Variants in ARHGAP44 observed in about 807,000 individuals in gnomAD.
The protein encoded by ARHGAP44 is Rho GTPase activating protein 44.
ARHGAP44 carries 43 observed loss-of-function variants against 106.8 expected under a neutral mutation model. The ratio of observed to expected loss-of-function variants is 0.40; its 90% CI spans 0.32 to 0.52. The LOEUF (loss-of-function observed/expected upper bound fraction) is 0.52, where lower values mean the gene tolerates loss of function less well. ARHGAP44 is among the 20% of genes least tolerant of loss of function. The pLI is 0.48. For missense variants in ARHGAP44, 866 were observed against 1,050.5 expected, an observed-to-expected ratio of 0.82 and a Z score of 2.43; for synonymous variants, 439 against 410.3, an observed-to-expected ratio of 1.07 and a Z score of -0.85.
chr17:12,891,009 A>G (rs936443881), intron 1 of ARHGAP44, among the ~76,000 whole-genome samples: 2 of 152,170 alleles, frequency 1.3e-5, no homozygotes, highest in Admixed American at 1.3e-4. Flanking sequence ...GATATTTTTC[A>G]TTCTCATGTA....
At chr17:12,898,956 GATTTATTTATTTATTT>G (rs71369351) in intron 3 of ARHGAP44, among the ~76,000 whole-genome samples, 5 of 149,122 alleles carry the variant, frequency 3.4e-5, no homozygotes, top group Non-Finnish European at 5.9e-5. Flanking sequence ...TCACTGCATG[GATTTATTTATTTATTT>G]ATTTATTTAT....
At chr17:12,923,413 G>T (rs764765097) in intron 6 of ARHGAP44, among the ~76,000 whole-genome samples, 1 of 151,990 alleles carries the variant, frequency 6.6e-6, no homozygotes, top group African/African-American at 2.4e-5. Context: ...ACGGGGTTTC[G>T]CCATGTTGGC....
intron 1 of ARHGAP44, among the ~76,000 whole-genome samples, chr17:12,831,630 C>T (rs940728918): frequency 6.6e-6 from 1 of 152,074 alleles, no homozygotes; most frequent in Non-Finnish European, 1.5e-5. Context: ...CCATCGAGGC[C>T]CTGTTCTTTC....
intron 5 of ARHGAP44, chr17:12,917,480 G>A (rs927184345): frequency 3.3e-5 from 5 of 152,586 alleles, no homozygotes; most frequent in African/African-American, 1.2e-4. Flanking sequence ...CTACGGGAGG[G>A]AGGGAGAGAG....
At chr17:12,836,771 A>T (rs1383965452) in intron 1 of ARHGAP44, among the ~76,000 whole-genome samples, 3 of 152,218 alleles carry the variant, frequency 2.0e-5, no homozygotes, top group Non-Finnish European at 4.4e-5. Context: ...CTCAAAATAC[A>T]TGAAGAAAAA....
chr17:12,909,545 G>A (rs2037661604), intron 4 of ARHGAP44, among the ~76,000 whole-genome samples: 1 of 152,084 alleles, frequency 6.6e-6, no homozygotes, highest in Admixed American at 6.6e-5. Context: ...AAATTATGCT[G>A]AAAATTTTCA....
In ARHGAP44 at chr17:12,894,987, G is replaced by A. The variant is rs754790990; in HGVS notation, c.93+8G>A. On this transcript the variant is annotated splice_region_variant and intron_variant, in intron 2 of 20. Coordinates refer to ENST00000379672, the MANE Select transcript of ARHGAP44 (RefSeq NM_014859.6). Reference sequence around the variant, plus strand: ...AGTGAAGACCTTCTTCAGGTAAGGCGGCCATTGACACTGGCTCACAGATAC... The same window carrying A: ...AGTGAAGACCTTCTTCAGGTAAGGCAGCCATTGACACTGGCTCACAGATAC... 9 of 1,583,002 alleles carry A rather than the reference G, an allele frequency of 5.7e-6. No individual in the cohort carries two copies. The highest frequency in any genetic ancestry group is 4.6e-5 in the East Asian group (2 of 43,814).
In ARHGAP44 at chr17:12,991,370, G is replaced by A. The variant is rs939174455; in HGVS notation, c.*1199G>A. The A allele has an allele frequency of 6.4e-6, 1 of 155,050 alleles. No homozygotes were observed. The highest frequency in any genetic ancestry group is 1.4e-5 in the Non-Finnish European group (1 of 69,534). The allele number at this position is 155,050 out of a possible 1,614,324, so 9.6% of individuals were successfully genotyped here. A position where few individuals can be genotyped will look rare whatever the true frequency, so the allele number is the denominator to read the frequency against. On this transcript the variant is annotated 3_prime_UTR_variant, in exon 21 of 21. Coordinates refer to ENST00000379672, the MANE Select transcript of ARHGAP44 (RefSeq NM_014859.6). ...AAATCTCTCTATATTTGTTTAATTT[G>A]AGCCATTCAATCTAAACCAATGTAC...
At chr17:12,961,862 C>T (rs1170310926) in intron 16 of ARHGAP44, among the ~76,000 whole-genome samples, 3 of 152,132 alleles carry the variant, frequency 2.0e-5, no homozygotes, top group African/African-American at 7.2e-5. Flanking sequence ...TCAGTTCTTA[C>T]CTGACCTTAA....
At chr17:12,906,230 A>G (rs1287729658) in intron 3 of ARHGAP44, among the ~76,000 whole-genome samples, 1 of 152,226 alleles carries the variant, frequency 6.6e-6, no homozygotes, top group Non-Finnish European at 1.5e-5. Flanking sequence ...CTACACTTAC[A>G]TAACACTTCT....
At chr17:12,881,205 G>C (rs1405332530) in intron 1 of ARHGAP44, among the ~76,000 whole-genome samples, 1 of 151,526 alleles carries the variant, frequency 6.6e-6, no homozygotes, top group Non-Finnish European at 1.5e-5. Flanking sequence ...TTTATGGTTA[G>C]TGTTCCTTAT....
At chr17:12,827,248 C>T (rs529820655) in intron 1 of ARHGAP44, among the ~76,000 whole-genome samples, 13 of 152,188 alleles carry the variant, frequency 8.5e-5, no homozygotes, top group Middle Eastern at 3.4e-3. Flanking sequence ...ATTTATATGA[C>T]TTGTACTCTA....
chr17:12,884,489 A>G (rs760033314), intron 1 of ARHGAP44, among the ~76,000 whole-genome samples: 5 of 152,176 alleles, frequency 3.3e-5, no homozygotes, highest in Non-Finnish European at 5.9e-5. Context: ...CTTGATTCAC[A>G]TGATATTGTT....
intron 16 of ARHGAP44, among the ~76,000 whole-genome samples, chr17:12,963,905 G>A (rs1567712434): frequency 6.6e-6 from 1 of 152,154 alleles, no homozygotes; most frequent in Admixed American, 6.5e-5. Flanking sequence ...TGATTCTAAT[G>A]TGCTGGGGTT....
At chr17:12,840,656 G>C (rs576751440) in intron 1 of ARHGAP44, among the ~76,000 whole-genome samples, 1 of 152,330 alleles carries the variant, frequency 6.6e-6, no homozygotes, top group South Asian at 2.1e-4. Context: ...TGCAGTTCCT[G>C]GGGGAGCAGC....
At chr17:12,791,092 T>A (rs529512943) in intron 1 of ARHGAP44, among the ~76,000 whole-genome samples, 4 of 152,282 alleles carry the variant, frequency 2.6e-5, no homozygotes, top group Non-Finnish European at 5.9e-5. Flanking sequence ...CGTCTGAGCA[T>A]ACTGCCCTAG....
intron 1 of ARHGAP44, among the ~76,000 whole-genome samples, chr17:12,821,610 G>A (rs1225091348): frequency 6.6e-6 from 1 of 152,204 alleles, no homozygotes; most frequent in Non-Finnish European, 1.5e-5. Context: ...AGCCATTGCA[G>A]TGCCTGAGCA....
At chr17:12,934,229 C>A (rs1194201075) in intron 7 of ARHGAP44, among the ~76,000 whole-genome samples, 1 of 152,100 alleles carries the variant, frequency 6.6e-6, no homozygotes, top group Non-Finnish European at 1.5e-5. Flanking sequence ...TAGTTTGTAT[C>A]TCTTCTTTTC....
chr17:12,853,544 A>G (rs190898776), intron 1 of ARHGAP44, among the ~76,000 whole-genome samples: 5 of 152,282 alleles, frequency 3.3e-5, no homozygotes, highest in African/African-American at 9.6e-5. Context: ...CAGAAAGGTA[A>G]ATGTGAGGAC....
Sources: allele counts gnomAD v4.1 joint callset (sites outside exome capture counted in the v4.1 genomes callset), GRCh38; gene constraint gnomAD v4.1.1; transcripts MANE v1.5; gene names NCBI Gene and HGNC (gene_info 2026-07-23, HGNC 2026-07-21).